Variants in ADH1A observed in about 807,000 individuals in gnomAD.
ADH1A encodes the protein alcohol dehydrogenase 1A.
ADH1A carries 29 observed loss-of-function variants against 35.2 expected under a neutral mutation model. That is an observed-to-expected ratio of 0.82 (90% confidence interval 0.61 to 1.12). The LOEUF (loss-of-function observed/expected upper bound fraction) is 1.12. ADH1A is among the 50% of genes most tolerant of loss of function. The pLI, the probability that ADH1A is intolerant of heterozygous loss-of-function variation, is 0.00. For synonymous variants in ADH1A, 147 were observed against 164.8 expected, an observed-to-expected ratio of 0.89 and a Z score of 0.83; for missense variants, 469 against 464.7, an observed-to-expected ratio of 1.01 and a Z score of -0.09.
chr4:99,282,354 C>G lies in ADH1A; in HGVS notation c.820G>C (p.Asp274His), dbSNP rs544708432. The part of the protein sequence containing the change: ...DFSFEVIGRL[D>H]TMMASLLCCH... ...CATGTCATGGTACATACCATGGTGT[C>G]AAGCCGACCGATGACTTCAAATGAA... The change falls in exon 6 of 9, where the codon GAC (aspartate) becomes CAC (histidine). Residue 274 changes from aspartate to histidine, a missense_variant. Physicochemically the swap from Asp to His is moderately conservative, Grantham distance 81. Coordinates refer to ENST00000209668, the MANE Select transcript of ADH1A (RefSeq NM_000667.4). 2 of 1,614,172 alleles carry G rather than the reference C, an allele frequency of 1.2e-6. No homozygotes were observed. The highest frequency in any genetic ancestry group is 2.2e-5 in the East Asian group (1 of 44,886).
At position 99,286,889 on chromosome 4, in the gene ADH1A, C is replaced by T. The variant is rs141454408; in HGVS notation, c.220G>A (p.Val74Met). The change falls in exon 3 of 9, where the codon GTG (valine) becomes ATG (methionine). Residue 74 changes from valine (V) to methionine (M), a missense_variant. Coordinates refer to ENST00000209668, the MANE Select transcript of ADH1A (RefSeq NM_000667.4). ...GTCACCCCTTCTCCAACACTCTCCA[C>T]GATGCCGGCTGCCTCATGGCCTAAA... Reference protein sequence around the residue: ...VILGHEAAGIVESVGEGVTTV... With the variant: ...VILGHEAAGIMESVGEGVTTV... The T allele has an allele frequency of 8.4e-5, 136 of 1,614,192 alleles. No homozygotes were observed. The highest frequency in any genetic ancestry group is 7.6e-5 in the Non-Finnish European group (90 of 1,180,022).
chr4:99,279,575 G>T lies in ADH1A; in HGVS notation c.965-11C>A, dbSNP rs766737324. 6.2e-7 allele frequency: 1 copy of T among 1,605,638 alleles called. No individual in the cohort carries two copies. The highest frequency in any genetic ancestry group is 1.1e-5 in the South Asian group (1 of 88,300). On this transcript the variant is annotated splice_polypyrimidine_tract_variant and intron_variant, in intron 7 of 8. Coordinates refer to ENST00000209668, the MANE Select transcript of ADH1A (RefSeq NM_000667.4). ...CTTTACTTTTAAAGCCTGAAAAGAA[G>T]ATGGTATCATTGTTAGATTCAACCA...
intron 2 of ADH1A, among the ~76,000 whole-genome samples, 198 bp from the exon 3 acceptor site, chr4:99,287,186 A>T (rs942133238): frequency 6.6e-6 from 1 of 152,244 alleles, no homozygotes; most frequent in Non-Finnish European, 1.5e-5. Flanking sequence ...TTCTTGAAGT[A>T]AACAGTTTAG....
At chr4:99,289,575 A>T (rs1398987227) in intron 1 of ADH1A, among the ~76,000 whole-genome samples, 1 of 152,184 alleles carries the variant, frequency 6.6e-6, no homozygotes, top group African/African-American at 2.4e-5. Context: ...GTATTCATTT[A>T]TTGAATTATC....
At chr4:99,287,816 GA>G (rs1733193720) in intron 1 of ADH1A, 151 bp from the exon 2 acceptor site, 6 of 722,964 alleles carry the variant, frequency 8.3e-6, no homozygotes, top group Non-Finnish European at 1.1e-5. Flanking sequence ...TTTATAAAGA[GA>G]AAAAAATATA....
intron 8 of ADH1A, among the ~76,000 whole-genome samples, chr4:99,278,667 A>G (rs1732925176): frequency 6.6e-6 from 1 of 152,188 alleles, no homozygotes; most frequent in Non-Finnish European, 1.5e-5. Flanking sequence ...ATGGGATAGC[A>G]GAAAAGTCTC....
chr4:99,276,526 G>T lies in ADH1A; in HGVS notation c.*98C>A. 1 of 1,055,250 alleles carries T rather than the reference G, an allele frequency of 9.5e-7. No homozygotes were observed. Among genetic ancestry groups the T allele is most frequent in the Non-Finnish European group, 1.5e-6 (1 of 682,718 alleles). The allele number at this position is 1,055,250 out of a possible 1,614,324, so 65.4% of individuals were successfully genotyped here. A position where few individuals can be genotyped will look rare whatever the true frequency, so the allele number is the denominator to read the frequency against. On this transcript the variant is annotated 3_prime_UTR_variant, in exon 9 of 9. Coordinates refer to ENST00000209668, the MANE Select transcript of ADH1A (RefSeq NM_000667.4). ...CAAATGTAATTTATTGATAAAATCT[G>T]TGATGAGCAGAATTAATGATATTTC...
At chr4:99,279,318 G>T in intron 8 of ADH1A, 108 bp downstream of exon 8, 2 of 1,389,446 alleles carry the variant, frequency 1.4e-6, no homozygotes, top group South Asian at 1.6e-5. Context: ...GGTAATGGAA[G>T]AACCAAGGCA....
chr4:99,285,479 C>T (rs565887537), intron 3 of ADH1A, among the ~76,000 whole-genome samples: 16 of 152,256 alleles, frequency 1.1e-4, no homozygotes, highest in Middle Eastern at 3.4e-3. Context: ...GAATTATCTA[C>T]TTTTCCTGTT....
intron 5 of ADH1A, among the ~76,000 whole-genome samples, chr4:99,282,943 C>T (rs1282456332): frequency 1.3e-5 from 2 of 152,182 alleles, no homozygotes; most frequent in African/African-American, 4.8e-5. Context: ...TCTTTGAGAT[C>T]CAGATGGCAG....
Position 99,276,577 on chromosome 4 carries a change from G to C in ADH1A, c.*47C>G. On this transcript the variant is annotated 3_prime_UTR_variant, in exon 9 of 9. Coordinates refer to ENST00000209668, the MANE Select transcript of ADH1A (RefSeq NM_000667.4). ...CCAGCTGTTGCTCCAGATCATGTAG[G>C]GTAGAGGAGGCTGAAGACTGCCACA... The C allele has an allele frequency of 6.5e-7, 1 of 1,541,496 alleles. No homozygotes were observed. The highest frequency in any genetic ancestry group is 1.1e-5 in the South Asian group (1 of 89,494).
intron 2 of ADH1A, among the ~76,000 whole-genome samples, chr4:99,287,257 A>G (rs1019946522): frequency 2.0e-5 from 3 of 152,224 alleles, no homozygotes; most frequent in African/African-American, 7.2e-5. Flanking sequence ...AAAAGAATGC[A>G]TGCCTTTAAA....
At chr4:99,282,665 G>C (rs1733038127) in intron 5 of ADH1A, 59 bp from the exon 6 acceptor site, 1 of 1,567,180 alleles carries the variant, frequency 6.4e-7, no homozygotes, top group Non-Finnish European at 8.6e-7. Context: ...GCCATGCTTA[G>C]TGTTTATCAA....
intron 3 of ADH1A, among the ~76,000 whole-genome samples, chr4:99,286,207 G>A (rs1733149096): frequency 6.6e-6 from 1 of 152,030 alleles, no homozygotes; most frequent in Non-Finnish European, 1.5e-5. Flanking sequence ...TTAGTAATCC[G>A]TAACCAGTTA....
intron 2 of ADH1A, 24 bp downstream of exon 2, chr4:99,287,540 T>A: frequency 5.0e-6 from 8 of 1,595,494 alleles, no homozygotes; most frequent in Non-Finnish European, 6.8e-6. Flanking sequence ...AAAACTTAAA[T>A]ACAAATGGAA....
chr4:99,285,087 T>A (rs897480620), intron 3 of ADH1A, among the ~76,000 whole-genome samples: 1 of 152,224 alleles, frequency 6.6e-6, no homozygotes, highest in Non-Finnish European at 1.5e-5. Flanking sequence ...TTTCATGTGG[T>A]GTACCAATTT....
At chr4:99,281,659 C>G (rs1733004652) in intron 6 of ADH1A, among the ~76,000 whole-genome samples, 1 of 152,040 alleles carries the variant, frequency 6.6e-6, no homozygotes, top group Non-Finnish European at 1.5e-5. Context: ...CTGCACTGTG[C>G]TAAGTATATT....
intron 3 of ADH1A, 73 bp downstream of exon 3, chr4:99,286,777 C>T (rs1425009165): frequency 1.3e-6 from 2 of 1,584,928 alleles, no homozygotes; most frequent in Admixed American, 1.7e-5. Context: ...CCCTCTTTGC[C>T]TCTGTTTCCT....
intron 3 of ADH1A, chr4:99,286,611 G>A (rs74316511): frequency 3.8e-6 from 2 of 530,042 alleles, no homozygotes; most frequent in Non-Finnish European, 6.3e-6. Context: ...GCTCCAACCT[G>A]GTGACTGGCA....
Sources: gnomAD v4.1 joint callset for allele counts (sites outside exome capture counted in the v4.1 genomes callset) on GRCh38, gnomAD v4.1.1 for gene constraint, MANE v1.5 for transcripts, NCBI Gene and HGNC (gene_info 2026-07-23, HGNC 2026-07-21) for gene names.